SREBF1: variants seen among roughly 807,000 people sequenced by gnomAD.
SREBF1 encodes sterol regulatory element-binding protein 1.
SREBF1 carries 45 observed loss-of-function variants against 100.1 expected under a neutral mutation model. That is an observed-to-expected ratio of 0.45 (90% CI 0.35 to 0.58). SREBF1 has a LOEUF of 0.58. Among genes scored for constraint, SREBF1 ranks in the 20% least tolerant of loss-of-function variants. The pLI, the probability that SREBF1 is intolerant of heterozygous loss-of-function variation, is 0.00. For missense variants in SREBF1, 1,324 were observed against 1,539.4 expected (o/e 0.86, Z 2.34); for synonymous variants, 657 against 681.8 (o/e 0.96, Z 0.57).
intron 2 of SREBF1, 105 bp downstream of exon 2, chr17:17,819,985 T>C (rs906050558): frequency 3.0e-6 from 4 of 1,315,996 alleles, no homozygotes; most frequent in Non-Finnish European, 4.1e-6. Flanking sequence ...GAGCCCCAGT[T>C]TCTAAAGCCT....
At chr17:17,820,059 G>A (rs2033973901) in intron 2 of SREBF1, 31 bp downstream of exon 2, 2 of 1,591,918 alleles carry the variant, frequency 1.3e-6, no homozygotes, top group African/African-American at 2.7e-5. Context: ...CCCCACCCCG[G>A]GTGTCCCCTC....
chr17:17,834,767 C>G (rs1249775210), intron 1 of SREBF1, among the ~76,000 whole-genome samples: 1 of 152,200 alleles, frequency 6.6e-6, no homozygotes, highest in Admixed American at 6.5e-5. Flanking sequence ...GTAATCCCAG[C>G]ACTTTGGGAG....
At position 17,811,662 on chromosome 17, in the gene SREBF1, T is replaced by G. The variant is rs2032861861; in HGVS notation, c.*960A>C. ...GGGAGGAGGCTTCTTTGCTGTGAGATGACCAGGGGCCGGGATGGGGGAGGT... is the reference window on the plus strand; with the variant it reads ...GGGAGGAGGCTTCTTTGCTGTGAGAGGACCAGGGGCCGGGATGGGGGAGGT... On this transcript the variant is annotated 3_prime_UTR_variant, in exon 19 of 19. Coordinates refer to ENST00000261646, the MANE Select transcript of SREBF1 (RefSeq NM_004176.5). The G allele has an allele frequency of 2.2e-6, 1 of 450,480 alleles. No individual in the cohort carries two copies. The highest frequency in any genetic ancestry group is 2.4e-5 in the Admixed American group (1 of 41,418). 27.9% of individuals were successfully genotyped at this position (450,480 alleles called of 1,614,324 possible). A position where few individuals can be genotyped will look rare whatever the true frequency, so the allele number is the denominator to read the frequency against.
In SREBF1 at chr17:17,820,468, G is replaced by T; in HGVS notation, c.145C>A (p.Pro49Thr). Residue 49 changes from proline to threonine, a missense_variant, in exon 2 of 19, where the codon CCA becomes ACA. Transcript: ENST00000261646. Reference sequence around the variant, plus strand: ...CCTGCCCCACTCCCAGCATAGGGTGGGTCAAATAGGCCAGGGAAGTCACTG... The same window carrying T: ...CCTGCCCCACTCCCAGCATAGGGTGTGTCAAATAGGCCAGGGAAGTCACTG... The part of the protein sequence containing the change: ...QDSDFPGLFD[P>T]PYAGSGAGGT... 1 of 1,614,070 alleles carries T rather than the reference G, an allele frequency of 6.2e-7. No individual in the cohort carries two copies. The highest frequency in any genetic ancestry group is 2.2e-5 in the East Asian group (1 of 44,890).
At chr17:17,823,671 C>A in intron 1 of SREBF1, 1 of 1,241,650 alleles carries the variant, frequency 8.1e-7, no homozygotes, top group Non-Finnish European at 1.1e-6. Context: ...CCGCCCCGCC[C>A]CGCCCCCAGC....
Position 17,820,325 on chromosome 17 carries a change from G to T in SREBF1, c.288C>A (p.Pro96=), listed in dbSNP as rs755558569. The change falls in exon 2 of 19, where the codon CCC becomes CCA. Residue 96 remains proline, a synonymous_variant. Coordinates refer to ENST00000261646, the MANE Select transcript of SREBF1 (RefSeq NM_004176.5). ...FLSGPQAAPS[P]LSPPQPAPTP... ...TGGGTGCAGGCTGGGGAGGGGACAGGGGTGAGGGCGCTGCCTGCGGCCCGC... is the reference window on the plus strand; with the variant it reads ...TGGGTGCAGGCTGGGGAGGGGACAGTGGTGAGGGCGCTGCCTGCGGCCCGC... 148 of 1,613,600 alleles carry T rather than the reference G, an allele frequency of 9.2e-5. 2 individuals carry two copies. The Admixed American group carries it at 2.4e-3, about 27-fold the overall frequency.
chr17:17,813,542 T>G, intron 17 of SREBF1, 27 bp downstream of exon 17: 3 of 1,593,724 alleles, frequency 1.9e-6, no homozygotes, highest in Non-Finnish European at 2.6e-6. Context: ...ACTCCCCGTC[T>G]TGAGGACAGG....
At chr17:17,823,039 G>C (rs1442665054) in intron 1 of SREBF1, among the ~76,000 whole-genome samples, 2 of 152,232 alleles carry the variant, frequency 1.3e-5, no homozygotes, top group Admixed American at 6.5e-5. Context: ...GTCCGTGTGA[G>C]CCTCTTCGAT....
chr17:17,829,205 A>AAAAAAAAAATATATAT (rs1210718799), intron 1 of SREBF1, among the ~76,000 whole-genome samples: 2 of 65,848 alleles, frequency 3.0e-5, no homozygotes, highest in South Asian at 6.5e-4. Context: ...AAAAAAAAAA[A>AAAAAAAAAATATATAT]ATATATATAT....
At chr17:17,819,832 T>C (rs997699203) in intron 2 of SREBF1, 107 bp from the exon 3 acceptor site, 3 of 1,406,806 alleles carry the variant, frequency 2.1e-6, no homozygotes, top group Non-Finnish European at 2.8e-6. Flanking sequence ...CATTGCCCCA[T>C]GTGGCTTCCT....
Position 17,821,000 on chromosome 17 carries a change from G to A in SREBF1, c.92-479C>T, listed in dbSNP as rs543194176. 3 of 190,672 alleles carry A rather than the reference G, an allele frequency of 1.6e-5. No individual in the cohort carries two copies. In the Admixed American group the frequency reaches 1.7e-4, roughly 11 times the overall value. The allele number at this position is 190,672 out of a possible 1,614,324, so 11.8% of individuals were successfully genotyped here. Reference sequence around the variant, plus strand: ...CCACACTATGCCAGGCACTGCTCCCGGCTGTGAATAAGGGAAATCCCTGCC... The same window carrying A: ...CCACACTATGCCAGGCACTGCTCCCAGCTGTGAATAAGGGAAATCCCTGCC... On this transcript the variant is annotated intron_variant, in intron 1 of 18. Coordinates refer to ENST00000261646, the MANE Select transcript of SREBF1 (RefSeq NM_004176.5).
chr17:17,815,212 G>A lies in SREBF1; in HGVS notation c.2492+9C>T, dbSNP rs368709922. The A allele has an allele frequency of 1.2e-5, 20 of 1,610,370 alleles. No individual in the cohort carries two copies. The highest frequency in any genetic ancestry group is 1.6e-4 in the Middle Eastern group (1 of 6,078). On this transcript the variant is annotated intron_variant, in intron 13 of 18. Transcript: ENST00000261646. Reference sequence around the variant, plus strand: ...GGCCTTGCCTGGAGGAGGGCACAACGACACTTACTTGTCCCCATCAGCTGA... The same window carrying A: ...GGCCTTGCCTGGAGGAGGGCACAACAACACTTACTTGTCCCCATCAGCTGA...
intron 1 of SREBF1, among the ~76,000 whole-genome samples, chr17:17,821,364 C>CG (rs1335404529): frequency 8.5e-5 from 13 of 152,172 alleles, no homozygotes; most frequent in South Asian, 6.2e-4. Context: ...ATGTGTGAAA[C>CG]GGGGGGCACG....
At chr17:17,832,111 T>G (rs1463838330) in intron 1 of SREBF1, among the ~76,000 whole-genome samples, 1 of 152,138 alleles carries the variant, frequency 6.6e-6, no homozygotes, top group East Asian at 1.9e-4. Flanking sequence ...CTTAAGAGCT[T>G]AAGAGCTAGG....
Position 17,819,549 on chromosome 17 carries a change from G to A in SREBF1, c.700C>T (p.Gln234Ter). Reference protein sequence around the residue: ...PVTTTVTSQIQQVPVLLQPHF... With the variant: ...PVTTTVTSQI Reference sequence around the variant, plus strand: ...CCAGACCCCCTCACCGGGACCTGCTGGATCTGCGAGGTCACAGTGGTCGTT... The same window carrying A: ...CCAGACCCCCTCACCGGGACCTGCTAGATCTGCGAGGTCACAGTGGTCGTT... The change falls in exon 3 of 19, where the codon CAG becomes TAG. Residue 234 changes from glutamine to a stop codon, truncating the protein, a stop_gained. Coordinates refer to ENST00000261646, the MANE Select transcript of SREBF1 (RefSeq NM_004176.5). LOFTEE classifies it high-confidence loss of function. 6.2e-7 allele frequency: 1 copy of A among 1,613,708 alleles called. No homozygotes were observed. Among genetic ancestry groups the A allele is most frequent in the Non-Finnish European group, 8.5e-7 (1 of 1,179,984 alleles).
chr17:17,820,785 C>T, intron 1 of SREBF1: 3 of 531,298 alleles, frequency 5.6e-6, no homozygotes, highest in Non-Finnish European at 1.0e-5. Flanking sequence ...CACCACAAGG[C>T]TCACAATCTT....
At chr17:17,836,081 C>T (rs1473035237) in intron 1 of SREBF1, among the ~76,000 whole-genome samples, 1 of 152,254 alleles carries the variant, frequency 6.6e-6, no homozygotes, top group Non-Finnish European at 1.5e-5. Flanking sequence ...ACTAAATACC[C>T]GTTTGGTTTC....
chr17:17,821,909 C>A (rs1274857585), intron 1 of SREBF1, among the ~76,000 whole-genome samples: 4 of 152,240 alleles, frequency 2.6e-5, no homozygotes. Flanking sequence ...AGGCTAGACC[C>A]CTAATCCTCA....
chr17:17,834,901 C>T (rs1365368080), intron 1 of SREBF1, among the ~76,000 whole-genome samples: 1 of 152,148 alleles, frequency 6.6e-6, no homozygotes, highest in Non-Finnish European at 1.5e-5. Context: ...GTAGTCCCAG[C>T]TACTTGGGAG....
Sources: allele counts gnomAD v4.1 joint callset (sites outside exome capture counted in the v4.1 genomes callset), GRCh38; gene constraint gnomAD v4.1.1; transcripts MANE v1.5; gene names NCBI Gene and HGNC (gene_info 2026-07-23, HGNC 2026-07-21).